Variants in ADAMTS12 observed in about 807,000 individuals in gnomAD.
ADAMTS12 encodes the protein A disintegrin and metalloproteinase with thrombospondin motifs 12.
ADAMTS12 carries 118 observed loss-of-function variants against 167.8 expected under a neutral mutation model. That is an observed-to-expected ratio of 0.70 (90% CI 0.61 to 0.82). ADAMTS12 has a LOEUF of 0.82. ADAMTS12 is among the 40% of genes least tolerant of loss of function. The pLI, the probability that ADAMTS12 is intolerant of heterozygous loss-of-function variation, is 0.00. For missense variants in ADAMTS12, 1,916 were observed against 1,998.8 expected, an observed-to-expected ratio of 0.96 and a Z score of 0.79; for synonymous variants, 704 against 716.9, an observed-to-expected ratio of 0.98 and a Z score of 0.29.
At chr5:33,546,017 A>G (rs748438300) in intron 22 of ADAMTS12, 42 bp downstream of exon 22, 11 of 1,575,788 alleles carry the variant, frequency 7.0e-6, no homozygotes, top group Non-Finnish European at 7.7e-6. Flanking sequence ...TTAAAAAAAA[A>G]AAAAAGCTAA....
At chr5:33,885,514 T>C (rs1750605033) in intron 1 of ADAMTS12, among the ~76,000 whole-genome samples, 1 of 152,198 alleles carries the variant, frequency 6.6e-6, no homozygotes, top group African/African-American at 2.4e-5. Flanking sequence ...AGTTCCTGTG[T>C]TGCTTTTCCC....
intron 2 of ADAMTS12, among the ~76,000 whole-genome samples, chr5:33,842,946 A>C (rs952588018): frequency 1.3e-5 from 2 of 152,206 alleles, no homozygotes; most frequent in Non-Finnish European, 1.5e-5. Context: ...TAGATTTGTT[A>C]TGAAGGTTAC....
chr5:33,844,208 T>C (rs2111610345), intron 2 of ADAMTS12, among the ~76,000 whole-genome samples: 1 of 152,264 alleles, frequency 6.6e-6, no homozygotes, highest in East Asian at 1.9e-4. Flanking sequence ...AGAGCATGTG[T>C]GTTTGAACAA....
chr5:33,560,929 A>T, intron 20 of ADAMTS12, 98 bp downstream of exon 20: 1 of 1,476,746 alleles, frequency 6.8e-7, no homozygotes, highest in East Asian at 2.3e-5. Context: ...AAAAGAAAAA[A>T]AAAAAAAACG....
chr5:33,677,184 G>T (rs1579827147), intron 5 of ADAMTS12, among the ~76,000 whole-genome samples: 1 of 152,102 alleles, frequency 6.6e-6, no homozygotes, highest in African/African-American at 2.4e-5. Context: ...AATAAGCATA[G>T]TATTAATAAG....
chr5:33,579,147 T>C (rs1746920270), intron 18 of ADAMTS12, among the ~76,000 whole-genome samples: 1 of 152,278 alleles, frequency 6.6e-6, no homozygotes, highest in East Asian at 1.9e-4. Context: ...CTTCCCTTCT[T>C]GTGTAGGAAG....
intron 9 of ADAMTS12, among the ~76,000 whole-genome samples, chr5:33,644,880 G>A (rs1365300113): frequency 2.6e-5 from 4 of 152,078 alleles, no homozygotes; most frequent in African/African-American, 7.2e-5. Context: ...GCAGACACCC[G>A]CCTCCACGCC....
chr5:33,744,453 G>A (rs1246879442), intron 3 of ADAMTS12, among the ~76,000 whole-genome samples: 3 of 152,190 alleles, frequency 2.0e-5, no homozygotes, highest in Admixed American at 1.3e-4. Context: ...TAAAAGAGCT[G>A]GGTCTTTATC....
chr5:33,736,288 C>T (rs909977849), intron 3 of ADAMTS12, among the ~76,000 whole-genome samples: 4 of 152,112 alleles, frequency 2.6e-5, no homozygotes, highest in Middle Eastern at 3.2e-3. Flanking sequence ...GTCTCGAACT[C>T]CTGACCTCAG....
intron 2 of ADAMTS12, among the ~76,000 whole-genome samples, chr5:33,786,519 A>G (rs556490966): frequency 6.6e-6 from 1 of 152,124 alleles, no homozygotes; most frequent in East Asian, 1.9e-4. Context: ...TTAGAAGTTG[A>G]AGAATACCAT....
intron 22 of ADAMTS12, among the ~76,000 whole-genome samples, chr5:33,542,916 G>A (rs1237339069): frequency 6.6e-6 from 1 of 152,176 alleles, no homozygotes; most frequent in Non-Finnish European, 1.5e-5. Flanking sequence ...AAGCAGGAAA[G>A]ATCTAAAATC....
intron 2 of ADAMTS12, among the ~76,000 whole-genome samples, chr5:33,783,641 TC>T: frequency 6.6e-6 from 1 of 151,948 alleles, no homozygotes; most frequent in East Asian, 1.9e-4. Context: ...AATAGAAAAT[TC>T]CTAGCAAGAC....
intron 2 of ADAMTS12, among the ~76,000 whole-genome samples, chr5:33,803,050 G>C (rs1282599406): frequency 6.6e-6 from 1 of 152,156 alleles, no homozygotes; most frequent in Admixed American, 6.5e-5. Flanking sequence ...AGGATGTCCA[G>C]GGAACAGCAA....
chr5:33,669,336 T>C (rs1417161497), intron 5 of ADAMTS12, among the ~76,000 whole-genome samples: 1 of 152,216 alleles, frequency 6.6e-6, no homozygotes, highest in Non-Finnish European at 1.5e-5. Flanking sequence ...TTGACAATGT[T>C]TCACATTGCC....
At chr5:33,541,897 A>G (rs1315911662) in intron 22 of ADAMTS12, among the ~76,000 whole-genome samples, 1 of 151,812 alleles carries the variant, frequency 6.6e-6, no homozygotes, top group African/African-American at 2.4e-5. Flanking sequence ...CCAAATTGTA[A>G]AGACCATCAA....
chr5:33,632,503 C>G (rs1739992660), intron 12 of ADAMTS12, among the ~76,000 whole-genome samples: 1 of 152,110 alleles, frequency 6.6e-6, no homozygotes, highest in Admixed American at 6.6e-5. Flanking sequence ...AGCTGTCTGA[C>G]CAGATAGACT....
At position 33,662,518 on chromosome 5, in the gene ADAMTS12, G is replaced by A. The variant is rs541804827; in HGVS notation, c.916-478C>T. ...TTTCTAACCCTTGAATTTTATTTTG[G>A]TTTGACACCCATGGGTGAAGGACAG... is the stretch of plus-strand genomic sequence containing the variant. On this transcript the variant is annotated intron_variant, in intron 5 of 23. Transcript: ENST00000504830. Among the ~76,000 whole-genome samples, 8 of 152,228 alleles carry A rather than the reference G, an allele frequency of 5.3e-5. No individual in the cohort carries two copies. In the South Asian group the frequency reaches 1.0e-3, roughly 20 times the overall value.
intron 3 of ADAMTS12, among the ~76,000 whole-genome samples, chr5:33,724,652 C>T (rs1043881015): frequency 6.6e-6 from 1 of 151,664 alleles, no homozygotes; most frequent in Non-Finnish European, 1.5e-5. Context: ...CCCGGGTTCA[C>T]GCCATTCTCC....
chr5:33,689,659 A>G lies in ADAMTS12; in HGVS notation c.635-5604T>C, dbSNP rs141194788. 2.3e-3 allele frequency among the ~76,000 whole-genome samples: 350 copies of G among 152,274 alleles called. 2 individuals carry two copies. The highest frequency in any genetic ancestry group is 8.0e-3 in the African/African-American group (331 of 41,556). ...AGGGCTGGAGAGATGGTACCAGGAAAAAAGAAGGAAAGCATCTTAAGACTA... is the reference window on the plus strand; with the variant it reads ...AGGGCTGGAGAGATGGTACCAGGAAGAAAGAAGGAAAGCATCTTAAGACTA... On this transcript the variant is annotated intron_variant, in intron 3 of 23. Transcript: ENST00000504830.
Sources: gnomAD v4.1 joint callset for allele counts (sites outside exome capture counted in the v4.1 genomes callset) on GRCh38, gnomAD v4.1.1 for gene constraint, MANE v1.5 for transcripts, NCBI Gene and HGNC (gene_info 2026-07-23, HGNC 2026-07-21) for gene names.